MIOS: variants seen among roughly 807,000 people sequenced by gnomAD.
MIOS encodes meiosis regulator for oocyte development.
Under a neutral mutation model 96.9 loss-of-function variants are expected in MIOS, and 52 were observed. The ratio of observed to expected loss-of-function variants is 0.54; its 90% CI spans 0.43 to 0.68. The LOEUF is 0.68. MIOS is among the 30% of genes least tolerant of loss of function. The probability of loss-of-function intolerance (pLI) is 0.00; values close to 1 mark genes in which losing one functional copy is unlikely to be tolerated. For missense variants in MIOS, 1,005 were observed against 1,052.8 expected, an observed-to-expected ratio of 0.95 and a Z score of 0.63; for synonymous variants, 397 against 359.5, an observed-to-expected ratio of 1.10 and a Z score of -1.18.
chr7:7,567,499 CT>C (rs1783185503), intron 1 of MIOS, 107 bp from the exon 2 acceptor site: 1 of 152,266 alleles, frequency 6.6e-6, no homozygotes, highest in African/African-American at 2.4e-5. Flanking sequence ...GCTCTGTTCT[CT>C]TCTCATATGA....
chr7:7,595,631 C>A (rs1298040049), intron 10 of MIOS, among the ~76,000 whole-genome samples: 1 of 151,976 alleles, frequency 6.6e-6, no homozygotes, highest in Non-Finnish European at 1.5e-5. Context: ...ATTATGTTAT[C>A]CTCAATATGA....
rs1442197105 is a variant in MIOS at position 7,574,100 on chromosome 7, A to C, written c.1297A>C (p.Met433Leu). The C allele has an allele frequency of 1.3e-6, 2 of 1,595,830 alleles. No homozygotes were observed. Among genetic ancestry groups the C allele is most frequent in the Admixed American group, 3.5e-5 (2 of 57,776 alleles). The change falls in exon 5 of 13, where the codon ATG becomes CTG. Residue 433 changes from methionine to leucine, a missense_variant and splice_region_variant. Around this residue, in one of 3 missense-constraint regions of MIOS, gnomAD observed 865 missense variants for 887.9 expected, o/e 0.97. Transcript: ENST00000340080. ...LKSLWYTLHFMKQYTEDMDQK... is the reference protein window; with the variant it reads ...LKSLWYTLHFLKQYTEDMDQK... ...GTATTTCCTATGCATTTAAATACTT[A>C]TGAAGCAATACACAGAAGATATGGA... is the stretch of plus-strand genomic sequence containing the variant.
chr7:7,602,611 G>T (rs1446016627), intron 11 of MIOS, among the ~76,000 whole-genome samples: 2 of 152,148 alleles, frequency 1.3e-5, no homozygotes, highest in African/African-American at 4.8e-5. Flanking sequence ...CATGCTCATG[G>T]GTGGGAAGAA....
intron 10 of MIOS, among the ~76,000 whole-genome samples, chr7:7,595,445 C>T (rs989284895): frequency 6.6e-6 from 1 of 152,080 alleles, no homozygotes; most frequent in African/African-American, 2.4e-5. Flanking sequence ...AGTTTTTTAG[C>T]ATTATTTATG....
At chr7:7,593,878 C>A (rs1299981819) in intron 9 of MIOS, among the ~76,000 whole-genome samples, 3 of 71,938 alleles carry the variant, frequency 4.2e-5, no homozygotes, top group Admixed American at 1.6e-4. Context: ...GACTCTGTCT[C>A]CAAAAAAAAA....
chr7:7,608,971 G>C (rs865974502), downstream of MIOS: 1 of 152,042 alleles, frequency 6.6e-6, no homozygotes, highest in East Asian at 1.9e-4. Flanking sequence ...TTGCATTTCA[G>C]TGTGCATGGA....
chr7:7,593,726 T>G (rs1318807048), intron 9 of MIOS, among the ~76,000 whole-genome samples: 1 of 150,848 alleles, frequency 6.6e-6, no homozygotes, highest in Non-Finnish European at 1.5e-5. Context: ...AAACCCCATC[T>G]CTACTAAAAA....
intron 11 of MIOS, among the ~76,000 whole-genome samples, chr7:7,599,860 C>G (rs983469264): frequency 6.6e-6 from 1 of 152,134 alleles, no homozygotes; most frequent in Non-Finnish European, 1.5e-5. Context: ...GAATACTATG[C>G]AGCCATGTCT....
chr7:7,596,935 C>T lies in MIOS; in HGVS notation c.2401+474C>T, dbSNP rs535159062. ...AAGGGTCAGTTGCAGTGGCTCATGC[C>T]TGTAATCCCAGCTCTTTGAGAGGCC... On this transcript the variant is annotated intron_variant, in intron 11 of 12. Transcript: ENST00000340080. Among the ~76,000 whole-genome samples, 58 of 152,256 alleles carry T rather than the reference C, an allele frequency of 3.8e-4. No homozygotes were observed. In the East Asian group the frequency reaches 0.011, roughly 29 times the overall value.
chr7:7,604,887 C>G (rs889608369), intron 11 of MIOS, among the ~76,000 whole-genome samples: 20 of 151,738 alleles, frequency 1.3e-4, no homozygotes, highest in Non-Finnish European at 1.5e-5. Flanking sequence ...GTGTACATAT[C>G]AGATCTATAT....
At chr7:7,578,107 T>C (rs1783595388) in intron 5 of MIOS, among the ~76,000 whole-genome samples, 1 of 152,196 alleles carries the variant, frequency 6.6e-6, no homozygotes, top group Non-Finnish European at 1.5e-5. Flanking sequence ...GAGGACAGTT[T>C]CAAGTGTGGC....
In MIOS at chr7:7,572,462, T is replaced by A; in HGVS notation, c.-14T>A. On this transcript the variant is annotated 5_prime_UTR_variant, in exon 4 of 13. Transcript: ENST00000340080. The surrounding 1 kb of genome is among the most constrained non-coding windows in gnomAD (Gnocchi z 4.8). The stretch of plus-strand genomic sequence containing the variant: ...GAATGGACCTGAGTGGACCCTTTGA[T>A]CACATCAGTAAACATGAGCGGTACC... 2 of 1,593,776 alleles carry A rather than the reference T, an allele frequency of 1.3e-6. No individual in the cohort carries two copies. The highest frequency in any genetic ancestry group is 1.7e-6 in the Non-Finnish European group (2 of 1,166,002).
At position 7,572,619 on chromosome 7, in the gene MIOS, C is replaced by T; in HGVS notation, c.144C>T (p.Asp48=). 1.9e-6 allele frequency: 3 copies of T among 1,614,106 alleles called. No homozygotes were observed. The highest frequency in any genetic ancestry group is 2.5e-6 in the Non-Finnish European group (3 of 1,180,006). The change falls in exon 4 of 13, where the codon GAC becomes GAT. Residue 48 remains aspartate, a synonymous_variant. Coordinates refer to ENST00000340080, the MANE Select transcript of MIOS (RefSeq NM_019005.4). This position sits in a 1 kb window ranked among gnomAD's most constrained non-coding sequence, Gnocchi z 4.8. ...CTGGATCTTTACGTTTATCTGAAGA[C>T]TCTGCAGCTACATTACTGTCAATAA... The part of the protein sequence containing the change: ...LKAGSLRLSE[D]SAATLLSINS...
chr7:7,587,315 C>A (rs1783919429), intron 7 of MIOS, among the ~76,000 whole-genome samples: 1 of 152,124 alleles, frequency 6.6e-6, no homozygotes, highest in Non-Finnish European at 1.5e-5. Context: ...CCGCCATGCC[C>A]TGCCCCAGTA....
chr7:7,601,566 T>G (rs919124910), intron 11 of MIOS, among the ~76,000 whole-genome samples: 6 of 152,134 alleles, frequency 3.9e-5, no homozygotes, highest in African/African-American at 1.4e-4. Flanking sequence ...GATCTGAAAT[T>G]GAGGCAATCC....
intron 11 of MIOS, 24 bp downstream of exon 11, chr7:7,596,485 C>G: frequency 6.4e-7 from 1 of 1,569,220 alleles, no homozygotes; most frequent in Non-Finnish European, 8.8e-7. Flanking sequence ...TTACAAAATA[C>G]TTTTATGAAC....
chr7:7,589,624 A>G, intron 9 of MIOS, 61 bp downstream of exon 9: 1 of 1,521,008 alleles, frequency 6.6e-7, no homozygotes, highest in Middle Eastern at 1.8e-4. Context: ...TTCTTTCCTC[A>G]GTTGAAAGTA....
intron 5 of MIOS, among the ~76,000 whole-genome samples, chr7:7,575,985 T>C (rs995454002): frequency 7.9e-5 from 12 of 152,132 alleles, no homozygotes; most frequent in African/African-American, 2.9e-4. Flanking sequence ...TCTTCTGTTT[T>C]ATTTGGCCAT....
chr7:7,594,092 A>C (rs1282874957), intron 9 of MIOS, among the ~76,000 whole-genome samples: 1 of 152,050 alleles, frequency 6.6e-6, no homozygotes, highest in Admixed American at 6.6e-5. Flanking sequence ...AGAACTAAGA[A>C]GGTATTTGGT....
Sources: gnomAD v4.1 joint callset for allele counts (sites outside exome capture counted in the v4.1 genomes callset) on GRCh38, gnomAD v4.1.1 for gene constraint, gnomAD v4.1.1 regional missense constraint, Gnocchi (gnomAD v3.1) non-coding constraint, MANE v1.5 for transcripts, NCBI Gene and HGNC (gene_info 2026-07-23, HGNC 2026-07-21) for gene names.